Variants in GPBP1L1 observed in about 807,000 individuals in gnomAD.
The protein encoded by GPBP1L1 is GC-rich promoter binding protein 1 like 1.
GPBP1L1 carries 23 observed loss-of-function variants against 52.5 expected under a neutral mutation model. That is an observed-to-expected ratio of 0.44 (90% confidence interval 0.32 to 0.62). GPBP1L1 has a LOEUF of 0.62. Ranked by LOEUF, GPBP1L1 falls within the 20% of genes least tolerant of loss-of-function variation. GPBP1L1 has a pLI of 0.06. For missense variants in GPBP1L1, 596 were observed against 579.3 expected (o/e 1.03, Z -0.30); for synonymous variants, 243 against 203.1 (o/e 1.20, Z -1.67).
intron 7 of GPBP1L1, 90 bp downstream of exon 7, chr1:45,642,337 A>C: frequency 1.9e-5 from 16 of 840,448 alleles, no homozygotes; most frequent in Non-Finnish European, 3.0e-5. Flanking sequence ...ATGAGAAACA[A>C]GAGATAAAAA....
rs139952305 is a variant in GPBP1L1, at chr1:45,647,549, T to C, written c.478-5050A>G. ...AAAACTTTTCCTTTGACAGCTGGCA[T>C]GTTAACTTCTGCCAGCGGAGAACAA... On this transcript the variant is annotated intron_variant, in intron 6 of 12. Coordinates refer to ENST00000355105, the MANE Select transcript of GPBP1L1 (RefSeq NM_021639.5). Among the ~76,000 whole-genome samples the C allele has an allele frequency of 4.6e-5, 7 of 152,310 alleles. No homozygotes were observed. In the East Asian group the frequency reaches 1.3e-3, roughly 29 times the overall value.
intron 2 of GPBP1L1, among the ~76,000 whole-genome samples, chr1:45,664,051 G>A (rs1644978674): frequency 6.6e-6 from 1 of 152,120 alleles, no homozygotes; most frequent in South Asian, 2.1e-4. Context: ...AAATTTCTTG[G>A]GCCAGGCGCG....
At chr1:45,672,378 C>T (rs1645084644) in intron 2 of GPBP1L1, among the ~76,000 whole-genome samples, 1 of 151,722 alleles carries the variant, frequency 6.6e-6, no homozygotes, top group African/African-American at 2.4e-5. Flanking sequence ...TCTTAGGTAC[C>T]TTTATATATA....
In GPBP1L1 at chr1:45,654,425, C is replaced by A. The variant is rs1644857427; in HGVS notation, c.477+118G>T. The stretch of plus-strand genomic sequence containing the variant: ...CTTCTTTCCTCTAAAACAATAAAAA[C>A]CTCAACTTACAAATTCCTTTTTCTG... On this transcript the variant is annotated intron_variant, in intron 6 of 12. Coordinates refer to ENST00000355105, the MANE Select transcript of GPBP1L1 (RefSeq NM_021639.5). 4 of 1,042,064 alleles carry A rather than the reference C, an allele frequency of 3.8e-6. No individual in the cohort carries two copies. In the South Asian group the frequency reaches 7.2e-5, roughly 19 times the overall value. The allele number at this position is 1,042,064 out of a possible 1,614,324, so 64.6% of individuals were successfully genotyped here.
intron 2 of GPBP1L1, among the ~76,000 whole-genome samples, chr1:45,666,762 C>A (rs1645015376): frequency 6.6e-6 from 1 of 152,206 alleles, no homozygotes; most frequent in South Asian, 2.1e-4. Flanking sequence ...ACGTTCACAG[C>A]AGCCTTATTC....
chr1:45,643,403 T>G (rs531624857), intron 6 of GPBP1L1, among the ~76,000 whole-genome samples: 2 of 152,170 alleles, frequency 1.3e-5, no homozygotes, highest in African/African-American at 2.4e-5. Context: ...GTTAACATTA[T>G]CTAATTATCA....
chr1:45,646,560 ATTTT>A (rs199539916), intron 6 of GPBP1L1, among the ~76,000 whole-genome samples: 1 of 144,886 alleles, frequency 6.9e-6, no homozygotes, highest in Non-Finnish European at 1.5e-5. Flanking sequence ...ACTTTTCAGT[ATTTT>A]TTTTTTTTTT....
rs1644568141 is a variant in GPBP1L1 at position 45,634,315 on chromosome 1, G to C, written c.745-79C>G. On this transcript the variant is annotated intron_variant, in intron 8 of 12. Coordinates refer to ENST00000355105, the MANE Select transcript of GPBP1L1 (RefSeq NM_021639.5). ...AGCTTATAAAATCATAAAGCAAAGA[G>C]TGAAATGTTACATGAGAACATAAGT... The C allele has an allele frequency of 2.9e-6, 4 of 1,392,222 alleles. No homozygotes were observed. The Admixed American group carries it at 9.1e-5, about 32-fold the overall frequency. 86.2% of individuals were successfully genotyped at this position (1,392,222 alleles called of 1,614,324 possible). A position where few individuals can be genotyped will look rare whatever the true frequency, so the allele number is the denominator to read the frequency against.
chr1:45,643,289 G>A (rs1010884715), intron 6 of GPBP1L1, among the ~76,000 whole-genome samples: 13 of 152,206 alleles, frequency 8.5e-5, no homozygotes, highest in Admixed American at 3.3e-4. Context: ...CCCTTCTGTG[G>A]GGAAAGAGGT....
chr1:45,682,519 G>A (rs1232533240), intron 2 of GPBP1L1, among the ~76,000 whole-genome samples: 1 of 152,134 alleles, frequency 6.6e-6, no homozygotes, highest in African/African-American at 2.4e-5. Flanking sequence ...ACTCCTTTAA[G>A]AGTAATTGCT....
At chr1:45,658,819 G>T in intron 4 of GPBP1L1, 2 of 536,740 alleles carry the variant, frequency 3.7e-6, no homozygotes, top group Non-Finnish European at 6.6e-6. Context: ...TACACAGCCT[G>T]TAGGCCCAGC....
intron 2 of GPBP1L1, among the ~76,000 whole-genome samples, chr1:45,667,373 A>T (rs1174677011): frequency 6.6e-6 from 1 of 152,148 alleles, no homozygotes; most frequent in Non-Finnish European, 1.5e-5. Flanking sequence ...TCTGTCAAAT[A>T]TTTTATCTCT....
chr1:45,658,852 G>C (rs564796141), intron 4 of GPBP1L1, 176 bp downstream of exon 4: 58 of 576,740 alleles, frequency 1.0e-4, no homozygotes, highest in Non-Finnish European at 1.5e-4. Context: ...TGAGTCAGGA[G>C]GACTGCCTGA....
chr1:45,654,796 T>C lies in GPBP1L1; in HGVS notation c.224A>G (p.Asp75Gly). ...CTTAGAGACACCAGAGTCCACAGAA[T>C]CATGGCGGAACAGGGAGGGCTGGTG... Reference protein sequence around the residue: ...SWHQPSLFRHDSVDSGVSKGA... With the variant: ...SWHQPSLFRHGSVDSGVSKGA... The change falls in exon 6 of 13, where the codon GAT becomes GGT. Residue 75 changes from aspartate (D) to glycine (G), a missense_variant. Physicochemically the swap from Asp to Gly is moderately conservative, Grantham distance 94 (BLOSUM62 -1). Transcript: ENST00000355105. 1 of 1,614,104 alleles carries C rather than the reference T, an allele frequency of 6.2e-7. No individual in the cohort carries two copies. The highest frequency in any genetic ancestry group is 2.2e-5 in the East Asian group (1 of 44,882).
intron 11 of GPBP1L1, 120 bp from the exon 12 acceptor site, chr1:45,629,798 T>C (rs1039668134): frequency 5.9e-6 from 4 of 677,646 alleles, no homozygotes; most frequent in African/African-American, 5.3e-5. Flanking sequence ...AGAAGGAATT[T>C]TGTTTTCCTC....
At chr1:45,643,633 A>G (rs1204377968) in intron 6 of GPBP1L1, among the ~76,000 whole-genome samples, 1 of 143,682 alleles carries the variant, frequency 7.0e-6, no homozygotes, top group Non-Finnish European at 1.5e-5. Flanking sequence ...AAACTTTACG[A>G]TCTGGTAACA....
At chr1:45,672,144 C>CTT (rs1645080972) in intron 2 of GPBP1L1, among the ~76,000 whole-genome samples, 1 of 152,084 alleles carries the variant, frequency 6.6e-6, no homozygotes, top group Non-Finnish European at 1.5e-5. Context: ...AGGCAAATCA[C>CTT]GAGGTCAGGA....
chr1:45,683,937 CAAAT>C (rs1214378112), intron 2 of GPBP1L1, among the ~76,000 whole-genome samples: 1 of 149,090 alleles, frequency 6.7e-6, no homozygotes. Flanking sequence ...CAAAACAAAA[CAAAT>C]AAACCAGTAT....
intron 6 of GPBP1L1, among the ~76,000 whole-genome samples, chr1:45,646,649 G>A (rs913229477): frequency 2.0e-5 from 3 of 151,450 alleles, no homozygotes; most frequent in Admixed American, 6.6e-5. Flanking sequence ...TCCACCTCCC[G>A]GGTTCACGCC....
Sources: allele counts gnomAD v4.1 joint callset (sites outside exome capture counted in the v4.1 genomes callset), GRCh38; gene constraint gnomAD v4.1.1; transcripts MANE v1.5; gene names NCBI Gene and HGNC (gene_info 2026-07-23, HGNC 2026-07-21).